Variants in ZFP14 observed in about 807,000 individuals in gnomAD.
ZFP14 encodes the protein zinc finger protein 14 homolog.
Under a neutral mutation model 54.5 loss-of-function variants are expected in ZFP14, and 22 were observed. That is an observed-to-expected ratio of 0.40 (90% CI 0.29 to 0.58). ZFP14 has a LOEUF of 0.58. ZFP14 is among the 20% of genes least tolerant of loss of function. The pLI, the probability that ZFP14 is intolerant of heterozygous loss-of-function variation, is 0.39. For missense variants in ZFP14, 470 were observed against 637.8 expected (o/e 0.74, Z 2.83); for synonymous variants, 159 against 204.0 (o/e 0.78, Z 1.88).
At chr19:36,357,346 T>C (rs375403688) in intron 4 of ZFP14, among the ~76,000 whole-genome samples, 4 of 152,274 alleles carry the variant, frequency 2.6e-5, no homozygotes, top group African/African-American at 9.6e-5. Context: ...CCCGGTCTGA[T>C]TTTTTTATTT....
chr19:36,371,868 G>C (rs1312104823), intron 1 of ZFP14, among the ~76,000 whole-genome samples: 1 of 151,862 alleles, frequency 6.6e-6, no homozygotes, highest in East Asian at 1.9e-4. Context: ...TGAAGCAGAA[G>C]GATCACTTGG....
chr19:36,365,315 T>C (rs2031777546), intron 2 of ZFP14, among the ~76,000 whole-genome samples: 1 of 152,190 alleles, frequency 6.6e-6, no homozygotes, highest in African/African-American at 2.4e-5. Context: ...ATTTTAATCA[T>C]CTCTTTTACT....
rs769914387 is a variant in ZFP14 at position 36,341,001 on chromosome 19, C to G, written c.825G>C (p.Gln275His). ...FRVHQQLARH[Q>H]RIHTGEKPYE... is the part of the protein sequence containing the mutation. ...AGGGTTTCTCACCAGTGTGAATTCT[C>G]TGATGTCGAGCCAGTTGCTGATGTA... is the stretch of plus-strand genomic sequence containing the variant. The change falls in exon 5 of 5, where the codon CAG becomes CAC. Residue 275 changes from glutamine (Q) to histidine (H), a missense_variant. Gln to His is a conservative substitution (Grantham distance 24). Coordinates refer to ENST00000270001, the MANE Select transcript of ZFP14 (RefSeq NM_020917.3). The surrounding 1 kb of genome is among the most constrained non-coding windows in gnomAD (Gnocchi z 4.2). 6 of 1,614,100 alleles carry G rather than the reference C, an allele frequency of 3.7e-6. No homozygotes were observed. The South Asian group carries it at 6.6e-5, about 18-fold the overall frequency.
chr19:36,340,745 T>C lies in ZFP14; in HGVS notation c.1081A>G (p.Ile361Val). 6.2e-7 allele frequency: 1 copy of C among 1,613,998 alleles called. No homozygotes were observed. Among genetic ancestry groups the C allele is most frequent in the Non-Finnish European group, 8.5e-7 (1 of 1,179,978 alleles). ...ICQQLTVHQSIHTGEKPYECK... is the reference protein window; with the variant it reads ...ICQQLTVHQSVHTGEKPYECK... The stretch of plus-strand genomic sequence containing the variant: ...TCGTAGGGTTTCTCACCAGTATGAA[T>C]ACTCTGATGAACAGTAAGTTGTTGG... Residue 361 changes from isoleucine (I) to valine (V), a missense_variant, in exon 5 of 5, where the codon ATT becomes GTT. By Grantham distance (29) the Ile-to-Val change is conservative (BLOSUM62 3). Transcript: ENST00000270001. This position sits in a 1 kb window ranked among gnomAD's most constrained non-coding sequence, Gnocchi z 5.4.
chr19:36,377,978 G>A (rs1317462150), intron 1 of ZFP14: 1 of 152,246 alleles, frequency 6.6e-6, no homozygotes, highest in African/African-American at 2.4e-5. Flanking sequence ...ACATTTCAGG[G>A]GTTAAAGTCT....
chr19:36,367,406 T>C (rs1230211362), intron 2 of ZFP14, among the ~76,000 whole-genome samples: 1 of 152,098 alleles, frequency 6.6e-6, no homozygotes, highest in Non-Finnish European at 1.5e-5. Context: ...ATGCTCAACA[T>C]TAGTGGGAGA....
chr19:36,376,659 A>G (rs931454663), intron 1 of ZFP14, among the ~76,000 whole-genome samples: 2 of 152,234 alleles, frequency 1.3e-5, no homozygotes, highest in African/African-American at 4.8e-5. Flanking sequence ...GTGGTAGGAT[A>G]CCAATTTTTG....
intron 4 of ZFP14, 86 bp downstream of exon 4, chr19:36,360,349 A>G (rs2145555219): frequency 8.5e-7 from 1 of 1,176,398 alleles, no homozygotes; most frequent in Non-Finnish European, 1.2e-6. Context: ...AGAGACCCCA[A>G]CATCTCAAGG....
At position 36,336,293 on chromosome 19, in the gene ZFP14, G is replaced by A. The variant is rs575707024; in HGVS notation, c.*3931C>T. On this transcript the variant is annotated 3_prime_UTR_variant, in exon 5 of 5. Coordinates refer to ENST00000270001, the MANE Select transcript of ZFP14 (RefSeq NM_020917.3). ...CTTGCTCTGTTACCCAGGCTGGAGT[G>A]CAGTGGCGCGATCTCAACTCACCAC... 53 of 132,780 alleles carry A rather than the reference G, an allele frequency of 4.0e-4. 1 individual carries two copies. The highest frequency in any genetic ancestry group is 1.5e-3 in the African/African-American group (50 of 34,444). The allele number at this position is 132,780 out of a possible 1,614,324, so 8.2% of individuals were successfully genotyped here. A position where few individuals can be genotyped will look rare whatever the true frequency, so the allele number is the denominator to read the frequency against.
In ZFP14 at chr19:36,363,429, T is replaced by C. The variant is rs1179366650; in HGVS notation, c.10-1191A>G. On this transcript the variant is annotated intron_variant, in intron 2 of 4. Coordinates refer to ENST00000270001, the MANE Select transcript of ZFP14 (RefSeq NM_020917.3). ...TTAGGATGGCCTCGATTTCCTGACCTCGTGATCCGCCCGCCTCGGCTTCCC... is the reference window on the plus strand; with the variant it reads ...TTAGGATGGCCTCGATTTCCTGACCCCGTGATCCGCCCGCCTCGGCTTCCC... Among the ~76,000 whole-genome samples, 13 of 151,862 alleles carry C rather than the reference T, an allele frequency of 8.6e-5. No homozygotes were observed. In the East Asian group the frequency reaches 2.6e-3, roughly 30 times the overall value.
At chr19:36,346,499 A>G (rs1165613976) in intron 4 of ZFP14, among the ~76,000 whole-genome samples, 2 of 151,752 alleles carry the variant, frequency 1.3e-5, no homozygotes, top group Non-Finnish European at 2.9e-5. Flanking sequence ...CTCTGTCGCC[A>G]GGCTGGAGTG....
rs1311688837 is a variant in ZFP14, at chr19:36,355,295, T to C, written c.235+5140A>G. ...TTGAATGTTGAGCCCTAACTAACTGTATGTGGAGATGGGGCTTTTAGGAGG... is the reference window on the plus strand; with the variant it reads ...TTGAATGTTGAGCCCTAACTAACTGCATGTGGAGATGGGGCTTTTAGGAGG... On this transcript the variant is annotated intron_variant, in intron 4 of 4. Transcript: ENST00000270001. Among the ~76,000 whole-genome samples, 2 of 142,826 alleles carry C rather than the reference T, an allele frequency of 1.4e-5. 1 individual carries two copies. Among genetic ancestry groups the C allele is most frequent in the Non-Finnish European group, 3.1e-5 (2 of 64,364 alleles). 93.7% of individuals were successfully genotyped at this position (142,826 alleles called of 152,430 possible).
chr19:36,376,884 C>T (rs986653868), intron 1 of ZFP14, among the ~76,000 whole-genome samples: 1 of 152,144 alleles, frequency 6.6e-6, no homozygotes, highest in East Asian at 1.9e-4. Context: ...GCTCAGGCAG[C>T]TTTAAGTGGC....
intron 1 of ZFP14, among the ~76,000 whole-genome samples, chr19:36,372,054 GAA>G (rs397810700): frequency 2.1e-5 from 3 of 139,950 alleles, no homozygotes; most frequent in African/African-American, 8.0e-5. Context: ...AGAGAGGAAA[GAA>G]AGAAAAAGAA....
At chr19:36,362,018 T>G in intron 3 of ZFP14, 94 bp downstream of exon 3, 3 of 1,431,020 alleles carry the variant, frequency 2.1e-6, no homozygotes, top group Non-Finnish European at 2.8e-6. Flanking sequence ...ATCATTCCTT[T>G]GAGAATAGAA....
chr19:36,349,257 CAA>C (rs1171155676), intron 4 of ZFP14, among the ~76,000 whole-genome samples: 12 of 42,240 alleles, frequency 2.8e-4, no homozygotes, highest in African/African-American at 1.3e-3. Flanking sequence ...AAAAAAAAAA[CAA>C]AAAAAAAAAA....
At chr19:36,376,700 A>G (rs1244798576) in intron 1 of ZFP14, among the ~76,000 whole-genome samples, 1 of 152,214 alleles carries the variant, frequency 6.6e-6, no homozygotes, top group Non-Finnish European at 1.5e-5. Flanking sequence ...ATATTAAATT[A>G]CAACCTAACG....
At chr19:36,358,776 G>A (rs971925482) in intron 4 of ZFP14, among the ~76,000 whole-genome samples, 3 of 152,124 alleles carry the variant, frequency 2.0e-5, no homozygotes, top group African/African-American at 7.2e-5. Context: ...CAAAACTCAT[G>A]TTGAAAATTA....
Position 36,340,259 on chromosome 19 carries a change from G to A in ZFP14, c.1567C>T (p.Leu523Phe), listed in dbSNP as rs888390949. ...TTATGAATCTTCTGATGCTGAGTAA[G>A]GTGTGAATGCTGTCTAAAGGCCTTC... is the stretch of plus-strand genomic sequence containing the variant. ...CKKAFRQHSH[L>F]TQHQKIHNGI Residue 523 changes from leucine (L) to phenylalanine (F), a missense_variant, in exon 5 of 5, where the codon CTT (leucine) becomes TTT (phenylalanine). Leu to Phe is a conservative substitution (Grantham distance 22). Transcript: ENST00000270001. This position sits in a 1 kb window ranked among gnomAD's most constrained non-coding sequence, Gnocchi z 5.4. The A allele has an allele frequency of 1.0e-5, 16 of 1,601,020 alleles. No individual in the cohort carries two copies. Among genetic ancestry groups the A allele is most frequent in the Non-Finnish European group, 1.4e-5 (16 of 1,172,920 alleles).
Sources: allele counts gnomAD v4.1 joint callset (sites outside exome capture counted in the v4.1 genomes callset), GRCh38; gene constraint gnomAD v4.1.1; non-coding constraint Gnocchi (gnomAD v3.1); transcripts MANE v1.5; gene names NCBI Gene and HGNC (gene_info 2026-07-23, HGNC 2026-07-21).